LYPLAL1: variants seen among roughly 807,000 people sequenced by gnomAD.
LYPLAL1 encodes lysophospholipase like 1.
A neutral mutation model predicts 19.7 loss-of-function variants in LYPLAL1; 23 were observed. The ratio of observed to expected loss-of-function variants is 1.17; its 90% confidence interval spans 0.84 to 1.65. LYPLAL1 has a LOEUF of 1.65. LYPLAL1 is among the 40% of genes most tolerant of loss of function. The pLI is 0.00. For synonymous variants in LYPLAL1, 119 were observed against 96.3 expected (o/e 1.24, Z -1.38); for missense variants, 355 against 279.4 (o/e 1.27, Z -1.93).
chr1:219,308,807 G>C, the LYPLAL1 span, among the ~76,000 whole-genome samples: 1 of 152,226 alleles, frequency 6.6e-6, no homozygotes, highest in Non-Finnish European at 1.5e-5. Context: ...GAGAACCTCT[G>C]CTAGAGCAGT....
At chr1:219,255,664 T>C in the LYPLAL1 span, among the ~76,000 whole-genome samples, 2 of 151,974 alleles carry the variant, frequency 1.3e-5, no homozygotes, top group Admixed American at 1.3e-4. Flanking sequence ...GACAAGCCTG[T>C]CTCCATTCCT....
the LYPLAL1 span, among the ~76,000 whole-genome samples, chr1:219,445,412 G>C: frequency 6.5e-5 from 7 of 108,098 alleles, no homozygotes; most frequent in Admixed American, 6.8e-4. Context: ...TCAAATTGGG[G>C]GGGGGGCGGT....
the LYPLAL1 span, among the ~76,000 whole-genome samples, chr1:219,433,735 G>A: frequency 1.3e-5 from 2 of 152,372 alleles, no homozygotes; most frequent in Admixed American, 1.3e-4. Flanking sequence ...AGCTACATGG[G>A]TGTCAGCCTA....
chr1:219,233,612 T>A, the LYPLAL1 span, among the ~76,000 whole-genome samples: 3 of 151,792 alleles, frequency 2.0e-5, no homozygotes, highest in Non-Finnish European at 4.4e-5. Flanking sequence ...TACAAAAAAA[T>A]TTAAAAAATA....
At chr1:219,351,428 T>C in the LYPLAL1 span, among the ~76,000 whole-genome samples, 1 of 152,152 alleles carries the variant, frequency 6.6e-6, no homozygotes, top group Non-Finnish European at 1.5e-5. Flanking sequence ...AATCTCTCTA[T>C]ACTTAATGTT....
chr1:219,190,132 CAT>C (rs1374418513), intron 2 of LYPLAL1, among the ~76,000 whole-genome samples: 2 of 151,430 alleles, frequency 1.3e-5, no homozygotes, highest in African/African-American at 2.4e-5. Context: ...AATCACAAGA[CAT>C]AGAAAATTAT....
rs912292727 is a variant in LYPLAL1 at position 219,190,980 on chromosome 1, A to G, written c.192-2102A>G. 3.3e-5 allele frequency among the ~76,000 whole-genome samples: 5 copies of G among 151,742 alleles called. No homozygotes were observed. In the South Asian group the frequency reaches 1.0e-3, roughly 31 times the overall value. Reference sequence around the variant, plus strand: ...TGGAGATGGTGGTTGCATTGTAAAAAGTAATTGAACTATACACCTAAAATG... The same window carrying G: ...TGGAGATGGTGGTTGCATTGTAAAAGGTAATTGAACTATACACCTAAAATG... On this transcript the variant is annotated intron_variant, in intron 2 of 4. Coordinates refer to ENST00000366928, the MANE Select transcript of LYPLAL1 (RefSeq NM_138794.5).
chr1:219,179,029 A>G (rs1450888581), intron 1 of LYPLAL1, 118 bp from the exon 2 acceptor site: 6 of 600,764 alleles, frequency 1.0e-5, no homozygotes, highest in Non-Finnish European at 1.1e-5. Context: ...ATTATGATGT[A>G]TGGAGCTTTT....
At chr1:219,326,524 T>A in the LYPLAL1 span, among the ~76,000 whole-genome samples, 10 of 152,254 alleles carry the variant, frequency 6.6e-5, no homozygotes, top group Non-Finnish European at 1.3e-4. Context: ...TAGGACATGA[T>A]CCCCAATTCC....
At chr1:219,320,890 G>A in the LYPLAL1 span, among the ~76,000 whole-genome samples, 14,813 of 152,150 alleles carry the variant, frequency 0.097, 797 homozygotes, top group Non-Finnish European at 0.11. Context: ...GAATAGTGCC[G>A]CAATAAACAT....
At chr1:219,248,714 G>A in the LYPLAL1 span, among the ~76,000 whole-genome samples, 3 of 152,058 alleles carry the variant, frequency 2.0e-5, no homozygotes, top group Non-Finnish European at 4.4e-5. Flanking sequence ...GCTTCAGGGC[G>A]TGAAGGCTAT....
chr1:219,235,143 T>C, the LYPLAL1 span, among the ~76,000 whole-genome samples: 27 of 152,182 alleles, frequency 1.8e-4, no homozygotes, highest in African/African-American at 6.5e-4. Flanking sequence ...TAAAATATTA[T>C]TGGGGCTTGA....
the LYPLAL1 span, among the ~76,000 whole-genome samples, chr1:219,242,270 A>C: frequency 2.6e-5 from 4 of 152,224 alleles, no homozygotes; most frequent in African/African-American, 9.6e-5. Flanking sequence ...TTATATTGCC[A>C]GAGAAACCAT....
the LYPLAL1 span, among the ~76,000 whole-genome samples, chr1:219,250,067 T>G: frequency 1.3e-5 from 2 of 152,000 alleles, no homozygotes; most frequent in African/African-American, 2.4e-5. Flanking sequence ...TTAGCATCTT[T>G]TGAGTAGCAC....
the LYPLAL1 span, among the ~76,000 whole-genome samples, chr1:219,362,476 G>A: frequency 6.6e-6 from 1 of 152,122 alleles, no homozygotes; most frequent in Non-Finnish European, 1.5e-5. Flanking sequence ...AGAACTCAAC[G>A]ATTTCCAAGG....
chr1:219,234,225 A>C, the LYPLAL1 span, among the ~76,000 whole-genome samples: 1 of 152,220 alleles, frequency 6.6e-6, no homozygotes, highest in Non-Finnish European at 1.5e-5. Context: ...CTAATAAATC[A>C]TTATTACCAT....
chr1:219,281,819 G>A, the LYPLAL1 span, among the ~76,000 whole-genome samples: 13 of 152,044 alleles, frequency 8.6e-5, no homozygotes, highest in East Asian at 1.9e-4. Context: ...TTTTCTGAAC[G>A]GCCACTGAAA....
chr1:219,251,348 AT>A, the LYPLAL1 span, among the ~76,000 whole-genome samples: 2 of 151,734 alleles, frequency 1.3e-5, no homozygotes, highest in Non-Finnish European at 2.9e-5. Flanking sequence ...TGTTTTTGTC[AT>A]TAAATATTTG....
At chr1:219,204,392 T>G (rs1164953115) in intron 3 of LYPLAL1, among the ~76,000 whole-genome samples, 1 of 152,190 alleles carries the variant, frequency 6.6e-6, no homozygotes, top group African/African-American at 2.4e-5. Flanking sequence ...AATATAAGCA[T>G]TTTATTGTCA....
Sources: allele counts gnomAD v4.1 joint callset (sites outside exome capture counted in the v4.1 genomes callset), GRCh38; gene constraint gnomAD v4.1.1; transcripts MANE v1.5; gene names NCBI Gene and HGNC (gene_info 2026-07-23, HGNC 2026-07-21).